Variants in TNFRSF17 observed in about 807,000 individuals in gnomAD.
The protein encoded by TNFRSF17 is tumor necrosis factor receptor superfamily member 17.
Under a neutral mutation model 9.9 loss-of-function variants are expected in TNFRSF17, and 13 were observed. The ratio of observed to expected loss-of-function variants is 1.31; its 90% CI spans 0.85 to 2.08. The LOEUF (loss-of-function observed/expected upper bound fraction) is 2.08, where lower values mean the gene tolerates loss of function less well. Ranked by LOEUF, TNFRSF17 falls within the 30% of genes most tolerant of loss-of-function variation. TNFRSF17 has a pLI of 0.00. For synonymous variants in TNFRSF17, 99 were observed against 83.7 expected (o/e 1.18, Z -1.00); for missense variants, 305 against 225.8 (o/e 1.35, Z -2.25).
In TNFRSF17 at chr16:11,967,839, G is replaced by A. The variant is rs943184077; in HGVS notation, c.547G>A (p.Ala183Thr). The A allele has an allele frequency of 1.2e-6, 2 of 1,613,510 alleles. No homozygotes were observed. The highest frequency in any genetic ancestry group is 2.7e-5 in the African/African-American group (2 of 74,902). Residue 183 changes from alanine to threonine, a missense_variant, in exon 3 of 3, where the codon GCT (alanine) becomes ACT (threonine). Physicochemically the swap from Ala to Thr is moderately conservative, Grantham distance 58. Transcript: ENST00000053243. ...SATEIEKSIS[A>T]R ...TACGGAGATAGAGAAATCAATTTCT[G>A]CTAGGTAATTAACCATTTCGACTCG...
chr16:11,967,963 C>T lies in TNFRSF17; in HGVS notation c.*116C>T. ...AGTTGCCGATACAGCTTTTTGTCCTCTAACTGTGGAAACTCTTTATGTTAG... is the reference window on the plus strand; with the variant it reads ...AGTTGCCGATACAGCTTTTTGTCCTTTAACTGTGGAAACTCTTTATGTTAG... On this transcript the variant is annotated 3_prime_UTR_variant, in exon 3 of 3. Transcript: ENST00000053243. 3.4e-6 allele frequency: 4 copies of T among 1,186,276 alleles called. No homozygotes were observed. The highest frequency in any genetic ancestry group is 3.5e-6 in the Non-Finnish European group (3 of 859,012). 73.5% of individuals were successfully genotyped at this position (1,186,276 alleles called of 1,614,324 possible).
At chr16:11,965,621 T>C (rs2055187295) in intron 1 of TNFRSF17, among the ~76,000 whole-genome samples, 167 bp downstream of exon 1, 1 of 152,192 alleles carries the variant, frequency 6.6e-6, no homozygotes, top group African/African-American at 2.4e-5. Context: ...AAAGTAATTA[T>C]TTGGAACTGA....
intron 2 of TNFRSF17, chr16:11,967,151 C>T: frequency 5.1e-6 from 1 of 197,342 alleles, no homozygotes; most frequent in Non-Finnish European, 1.1e-5. Flanking sequence ...TAGGTATGTG[C>T]CATCACCTCC....
chr16:11,967,119 G>A, intron 2 of TNFRSF17: 1 of 200,176 alleles, frequency 5.0e-6, no homozygotes, highest in South Asian at 6.8e-5. Context: ...TCCCATCTCA[G>A]CCTCCTGAGT....
rs185085849 is a variant in TNFRSF17 at position 11,965,403 on chromosome 16, C to T, written c.79C>T (p.Arg27Ter). Residue 27 changes from arginine (R) to a stop codon, truncating the protein, a stop_gained, in exon 1 of 3, where the codon CGA becomes TGA. Coordinates refer to ENST00000053243, the MANE Select transcript of TNFRSF17 (RefSeq NM_001192.3). LOFTEE classifies it high-confidence loss of function. Reference protein sequence around the residue: ...LLHACIPCQLRCSSNTPPLTC... With the variant: ...LLHACIPCQL ...GCATGCTTGCATACCTTGTCAACTT[C>T]GATGTTCTTCTAATACTCCTCCTCT... The T allele has an allele frequency of 4.3e-6, 7 of 1,614,094 alleles. No individual in the cohort carries two copies. Among genetic ancestry groups the T allele is most frequent in the African/African-American group, 2.7e-5 (2 of 75,030 alleles).
At position 11,966,820 on chromosome 16, in the gene TNFRSF17, AATC is replaced by A. The variant is rs563246335; in HGVS notation, c.277+483_277+485del. Among the ~76,000 whole-genome samples, 866 of 152,220 alleles carry A rather than the reference AATC, an allele frequency of 5.7e-3. 13 individuals carry two copies. Among genetic ancestry groups the A allele is most frequent in the African/African-American group, 0.02 (822 of 41,538 alleles). On this transcript the variant is annotated intron_variant, in intron 2 of 2. Transcript: ENST00000053243. ...CCAGTTGCTCCTGAATTATTTGAGG[AATC>A]ATCTAAAAAATAATTATTTTTAAGC...
rs1394466129 is a variant in TNFRSF17, at chr16:11,967,945, G to A, written c.*98G>A. 58 of 1,376,126 alleles carry A rather than the reference G, an allele frequency of 4.2e-5. No homozygotes were observed. The highest frequency in any genetic ancestry group is 4.4e-5 in the African/African-American group (3 of 68,924). The allele number at this position is 1,376,126 out of a possible 1,614,324, so 85.2% of individuals were successfully genotyped here. On this transcript the variant is annotated 3_prime_UTR_variant, in exon 3 of 3. Coordinates refer to ENST00000053243, the MANE Select transcript of TNFRSF17 (RefSeq NM_001192.3). The stretch of plus-strand genomic sequence containing the variant: ...AGGATGACTGTATTTTTCAGTTGCC[G>A]ATACAGCTTTTTGTCCTCTAACTGT...
intron 2 of TNFRSF17, 100 bp from the exon 3 acceptor site, chr16:11,967,468 ATC>A (rs2055203994): frequency 7.9e-7 from 1 of 1,262,798 alleles, no homozygotes; most frequent in Admixed American, 2.3e-5. Context: ...AAATGAAAAA[ATC>A]TCTCTCACAT....
Position 11,965,376 on chromosome 16 carries a change from T to C in TNFRSF17, c.52T>C (p.Leu18=), listed in dbSNP as rs2055185185. The change falls in exon 1 of 3, where the codon TTG becomes CTG. Residue 18 remains leucine (L), a synonymous_variant. Coordinates refer to ENST00000053243, the MANE Select transcript of TNFRSF17 (RefSeq NM_001192.3). The part of the protein sequence containing the change: ...CSQNEYFDSL[L]HACIPCQLRC... ...CCAAAATGAATATTTTGACAGTTTG[T>C]TGCATGCTTGCATACCTTGTCAACT... The C allele has an allele frequency of 6.2e-7, 1 of 1,614,118 alleles. No individual in the cohort carries two copies. The highest frequency in any genetic ancestry group is 1.3e-5 in the African/African-American group (1 of 74,948).
intron 2 of TNFRSF17, 77 bp from the exon 3 acceptor site, chr16:11,967,493 C>T (rs1040261444): frequency 8.5e-6 from 12 of 1,417,580 alleles, no homozygotes; most frequent in South Asian, 2.7e-5. Context: ...CTTTGAGTCC[C>T]GATGTGTACT....
At chr16:11,966,386 C>G (rs1289933683) in intron 2 of TNFRSF17, 45 bp downstream of exon 2, 5 of 1,574,492 alleles carry the variant, frequency 3.2e-6, no homozygotes, top group Non-Finnish European at 4.3e-6. Context: ...CAGGGGATGG[C>G]TATTGTGAGT....
chr16:11,967,754 C>T lies in TNFRSF17; in HGVS notation c.462C>T (p.Thr154=). ...TCCCAGCTATGGAGGAAGGCGCAAC[C>T]ATTCTTGTCACCACGAAAACGAATG... ...FPLPAMEEGA[T]ILVTTKTNDY... The change falls in exon 3 of 3, where the codon ACC becomes ACT. Residue 154 remains threonine, a synonymous_variant. Transcript: ENST00000053243. 1.2e-6 allele frequency: 2 copies of T among 1,614,214 alleles called. No homozygotes were observed. Among genetic ancestry groups the T allele is most frequent in the Non-Finnish European group, 1.7e-6 (2 of 1,180,048 alleles).
Position 11,965,333 on chromosome 16 carries a change from G to C in TNFRSF17, c.9G>C (p.Gln3His). 6.2e-7 allele frequency: 1 copy of C among 1,614,144 alleles called. No individual in the cohort carries two copies. The highest frequency in any genetic ancestry group is 1.3e-5 in the African/African-American group (1 of 75,050). The change falls in exon 1 of 3, where the codon CAG (glutamine) becomes CAC (histidine). Residue 3 changes from glutamine to histidine, a missense_variant. Physicochemically the swap from Gln to His is conservative, Grantham distance 24. Coordinates refer to ENST00000053243, the MANE Select transcript of TNFRSF17 (RefSeq NM_001192.3). MLQMAGQCSQNEY... is the reference protein window; with the variant it reads MLHMAGQCSQNEY... The stretch of plus-strand genomic sequence containing the variant: ...GTTTTCTTTTTGTGATCATGTTGCA[G>C]ATGGCTGGGCAGTGCTCCCAAAATG...
chr16:11,966,405 C>CTTTTATTTTTTTTTTTTTT, intron 2 of TNFRSF17, 64 bp downstream of exon 2: 1 of 1,527,476 alleles, frequency 6.5e-7, no homozygotes, highest in African/African-American at 1.4e-5. Flanking sequence ...GTTTCAGTTC[C>CTTTTATTTTTTTTTTTTTT]TTTTCTTTTT....
rs755364284 is a variant in TNFRSF17, at chr16:11,966,264, C to G, written c.200C>G (p.Ser67Cys). The change falls in exon 2 of 3, where the codon TCT becomes TGT. Residue 67 changes from serine to cysteine, a missense_variant. Transcript: ENST00000053243. Reference protein sequence around the residue: ...WTCLGLSLIISLAVFVLMFLL... With the variant: ...WTCLGLSLIICLAVFVLMFLL... ...TGTTTGGGACTGAGCTTAATAATTT[C>G]TTTGGCAGTTTTCGTGCTAATGTTT... is the stretch of plus-strand genomic sequence containing the variant. 6.2e-7 allele frequency: 1 copy of G among 1,614,018 alleles called. No individual in the cohort carries two copies. Among genetic ancestry groups the G allele is most frequent in the Non-Finnish European group, 8.5e-7 (1 of 1,179,936 alleles).
chr16:11,965,656 G>C (rs763837131), intron 1 of TNFRSF17, among the ~76,000 whole-genome samples: 6 of 152,044 alleles, frequency 3.9e-5, no homozygotes, highest in Non-Finnish European at 8.8e-5. Flanking sequence ...AGCACTATTA[G>C]CAACATAGAT....
rs746848257 is a variant in TNFRSF17 at position 11,966,298 on chromosome 16, G to A, written c.234G>A (p.Arg78=). ...TTTTCGTGCTAATGTTTTTGCTAAG[G>A]AAGATAAACTCTGAACCATTAAAGG... ...LAVFVLMFLL[R]KINSEPLKDE... The change falls in exon 2 of 3, where the codon AGG becomes AGA. Residue 78 remains arginine, a synonymous_variant. Coordinates refer to ENST00000053243, the MANE Select transcript of TNFRSF17 (RefSeq NM_001192.3). 1.2e-6 allele frequency: 2 copies of A among 1,613,980 alleles called. No homozygotes were observed. Among genetic ancestry groups the A allele is most frequent in the Admixed American group, 1.7e-5 (1 of 59,998 alleles).
rs757826517 is a variant in TNFRSF17, at chr16:11,967,622, T to C, written c.330T>C (p.Gly110=). The C allele has an allele frequency of 6.2e-7, 1 of 1,614,178 alleles. No individual in the cohort carries two copies. Among genetic ancestry groups the C allele is most frequent in the Non-Finnish European group, 8.5e-7 (1 of 1,180,026 alleles). ...TTGACCTGGAAAAGAGCAGGACTGG[T>C]GATGAAATTATTCTTCCGAGAGGCC... is the stretch of plus-strand genomic sequence containing the variant. ...ANIDLEKSRT[G]DEIILPRGLE... Residue 110 remains glycine, a synonymous_variant, in exon 3 of 3, where the codon GGT becomes GGC. Transcript: ENST00000053243.
In TNFRSF17 at chr16:11,966,226, G is replaced by C. The variant is rs200361156; in HGVS notation, c.162G>C (p.Ala54=). ...SVTNSVKGTN[A]ILWTCLGLSL... ...CCAATTCAGTGAAAGGAACGAATGC[G>C]ATTCTCTGGACCTGTTTGGGACTGA... The change falls in exon 2 of 3, where the codon GCG becomes GCC. Residue 54 remains alanine (A), a synonymous_variant. Transcript: ENST00000053243. 6.2e-7 allele frequency: 1 copy of C among 1,613,648 alleles called. No individual in the cohort carries two copies. The highest frequency in any genetic ancestry group is 2.2e-5 in the East Asian group (1 of 44,870).
Sources: allele counts gnomAD v4.1 joint callset (sites outside exome capture counted in the v4.1 genomes callset), GRCh38; gene constraint gnomAD v4.1.1; transcripts MANE v1.5; gene names NCBI Gene and HGNC (gene_info 2026-07-23, HGNC 2026-07-21).